INPP4B: variants seen among roughly 807,000 people sequenced by gnomAD.
INPP4B encodes the protein inositol polyphosphate 4-phosphatase type II.
In INPP4B, 55 loss-of-function variants were observed where a neutral mutation model predicts 122.5. The observed-to-expected ratio is 0.45, with a 90% CI of 0.36 to 0.56. INPP4B has a LOEUF of 0.56. Ranked by LOEUF, INPP4B falls within the 20% of genes least tolerant of loss-of-function variation. The probability of loss-of-function intolerance (pLI) is 0.00; values close to 1 mark genes in which losing one functional copy is unlikely to be tolerated. For synonymous variants in INPP4B, 403 were observed against 388.7 expected (o/e 1.04, Z -0.43); for missense variants, 1,000 against 1,097.7 (o/e 0.91, Z 1.26).
intron 1 of INPP4B, among the ~76,000 whole-genome samples, chr4:142,761,090 G>A (rs57725148): frequency 0.02 from 3,075 of 152,014 alleles, 100 homozygotes; most frequent in African/African-American, 0.068. Context: ...GGCCCAGGAC[G>A]TAGCATCCAT....
chr4:142,656,609 G>A (rs534076477), intron 2 of INPP4B, among the ~76,000 whole-genome samples: 57 of 152,198 alleles, frequency 3.7e-4, no homozygotes, highest in Middle Eastern at 3.4e-3. Context: ...ACCACTTCCC[G>A]TTGCAGCAGT....
intron 7 of INPP4B, among the ~76,000 whole-genome samples, chr4:142,323,003 T>C (rs1259822583): frequency 6.6e-6 from 1 of 152,206 alleles, no homozygotes; most frequent in African/African-American, 2.4e-5. Flanking sequence ...CCTCACAAAC[T>C]AGCTCTAAGT....
At chr4:142,402,063 T>A (rs997608432) in intron 7 of INPP4B, among the ~76,000 whole-genome samples, 1 of 152,198 alleles carries the variant, frequency 6.6e-6, no homozygotes, top group Admixed American at 6.5e-5. Context: ...ATTTTCCCTA[T>A]ACAAGGCACT....
chr4:142,438,507 A>C lies in INPP4B; in HGVS notation c.-126-7122T>G, dbSNP rs140634174. Among the ~76,000 whole-genome samples the C allele has an allele frequency of 3.0e-3, 458 of 152,276 alleles. 1 individual carries two copies. Among genetic ancestry groups the C allele is most frequent in the Non-Finnish European group, 5.3e-3 (358 of 68,008 alleles). On this transcript the variant is annotated intron_variant, in intron 3 of 25. Transcript: ENST00000262992. ...AAAAACTGGCTAGCCATATGCAGAA[A>C]ACTGAAACTGGACCCCTTCCTTACA...
chr4:142,208,535 G>A lies in INPP4B; in HGVS notation c.968-6C>T. ...GCTTGATTTGAAAGAGGACCCTGAT[G>A]GAAACCAGAAATTAAACATTATTAG... On this transcript the variant is annotated splice_region_variant and splice_polypyrimidine_tract_variant and intron_variant, in intron 13 of 25. Transcript: ENST00000262992. 1 of 1,474,184 alleles carries A rather than the reference G, an allele frequency of 6.8e-7. No homozygotes were observed. 91.3% of individuals were successfully genotyped at this position (1,474,184 alleles called of 1,614,324 possible). A position where few individuals can be genotyped will look rare whatever the true frequency, so the allele number is the denominator to read the frequency against.
chr4:142,362,895 C>T (rs1785984716), intron 7 of INPP4B, among the ~76,000 whole-genome samples: 1 of 152,008 alleles, frequency 6.6e-6, no homozygotes, highest in Non-Finnish European at 1.5e-5. Context: ...AGTACGTTCA[C>T]TATTTGGGTG....
chr4:142,260,119 G>C (rs915007026), intron 11 of INPP4B, among the ~76,000 whole-genome samples: 1 of 152,082 alleles, frequency 6.6e-6, no homozygotes, highest in Admixed American at 6.5e-5. Context: ...AGAATTGCTG[G>C]GACTACAGGC....
chr4:142,123,549 G>T, intron 19 of INPP4B, 134 bp from the exon 20 acceptor site: 2 of 815,076 alleles, frequency 2.5e-6, no homozygotes, highest in South Asian at 1.9e-5. Flanking sequence ...CTATTTGGTA[G>T]GCATAGTAAA....
chr4:142,762,194 A>C (rs1771442779), intron 1 of INPP4B, among the ~76,000 whole-genome samples: 5 of 151,748 alleles, frequency 3.3e-5, no homozygotes, highest in Admixed American at 3.3e-4. Flanking sequence ...TCATTCTGCA[A>C]CTCCCTCAAA....
At chr4:142,388,558 C>A (rs1353209362) in intron 7 of INPP4B, among the ~76,000 whole-genome samples, 1 of 152,054 alleles carries the variant, frequency 6.6e-6, no homozygotes, top group Non-Finnish European at 1.5e-5. Flanking sequence ...TCATGGAACC[C>A]TAGGAATTGA....
At chr4:142,115,912 G>A (rs1203108656) in intron 21 of INPP4B, among the ~76,000 whole-genome samples, 2 of 152,026 alleles carry the variant, frequency 1.3e-5, no homozygotes, top group Admixed American at 6.6e-5. Context: ...GTATTCAGGA[G>A]ACCCATCTCA....
chr4:142,771,589 A>C (rs1256578843), intron 1 of INPP4B, among the ~76,000 whole-genome samples: 1 of 152,182 alleles, frequency 6.6e-6, no homozygotes, highest in Non-Finnish European at 1.5e-5. Flanking sequence ...ATGTACTGAC[A>C]GGACTTATTC....
intron 2 of INPP4B, among the ~76,000 whole-genome samples, chr4:142,689,752 C>T (rs1759893693): frequency 6.6e-6 from 1 of 152,070 alleles, no homozygotes; most frequent in African/African-American, 2.4e-5. Context: ...AAATATCTCA[C>T]AGTTTTTAGA....
chr4:142,729,883 C>T (rs1166045814), intron 1 of INPP4B, among the ~76,000 whole-genome samples: 4 of 152,138 alleles, frequency 2.6e-5, no homozygotes, highest in African/African-American at 9.7e-5. Flanking sequence ...TAGATGAATC[C>T]CCATTCAGAA....
intron 2 of INPP4B, among the ~76,000 whole-genome samples, chr4:142,550,190 A>G (rs1727632698): frequency 6.6e-6 from 1 of 152,162 alleles, no homozygotes; most frequent in African/African-American, 2.4e-5. Context: ...TCAGGTTATT[A>G]TCATCTCAGG....
At chr4:142,721,597 T>C (rs995638137) in intron 2 of INPP4B, among the ~76,000 whole-genome samples, 1 of 151,782 alleles carries the variant, frequency 6.6e-6, no homozygotes, top group Non-Finnish European at 1.5e-5. Context: ...CCGAGGCGGG[T>C]GGATCATGAG....
chr4:142,095,264 G>C (rs970548667), intron 23 of INPP4B, among the ~76,000 whole-genome samples: 1 of 152,186 alleles, frequency 6.6e-6, no homozygotes, highest in African/African-American at 2.4e-5. Context: ...AGACGTTGCA[G>C]TTGTGGTTCA....
chr4:142,615,334 T>C (rs984041433), intron 2 of INPP4B, among the ~76,000 whole-genome samples: 1 of 152,052 alleles, frequency 6.6e-6, no homozygotes, highest in Admixed American at 6.5e-5. Flanking sequence ...ATGGAAGTTA[T>C]ATGTTGATTT....
intron 25 of INPP4B, among the ~76,000 whole-genome samples, chr4:142,032,317 A>G (rs1048220549): frequency 1.3e-5 from 2 of 152,100 alleles, no homozygotes; most frequent in South Asian, 2.1e-4. Context: ...GAACTAGTGG[A>G]TGGCAGACCA....
Sources: allele counts gnomAD v4.1 joint callset (sites outside exome capture counted in the v4.1 genomes callset), GRCh38; gene constraint gnomAD v4.1.1; transcripts MANE v1.5; gene names NCBI Gene and HGNC (gene_info 2026-07-23, HGNC 2026-07-21).